FAM117A: variants seen among roughly 807,000 people sequenced by gnomAD.
FAM117A encodes protein FAM117A.
Under a neutral mutation model 44.1 loss-of-function variants are expected in FAM117A, and 21 were observed. The ratio of observed to expected loss-of-function variants is 0.48; its 90% CI spans 0.34 to 0.69. FAM117A has a LOEUF of 0.69. Ranked by LOEUF, FAM117A falls within the 30% of genes least tolerant of loss-of-function variation. FAM117A has a pLI of 0.01. For synonymous variants in FAM117A, 220 were observed against 238.3 expected (o/e 0.92, Z 0.71); for missense variants, 498 against 589.9 (o/e 0.84, Z 1.61).
chr17:49,729,079 T>G (rs1011435344), intron 2 of FAM117A, among the ~76,000 whole-genome samples: 1 of 152,196 alleles, frequency 6.6e-6, no homozygotes, highest in East Asian at 1.9e-4. Context: ...TGGGCTATAT[T>G]CAAGAACTGA....
chr17:49,788,959 G>C, upstream of FAM117A: 1 of 1,065,192 alleles, frequency 9.4e-7, no homozygotes, highest in South Asian at 1.8e-5. Flanking sequence ...CCGCTCCCCC[G>C]AACCTTGTTC....
chr17:49,769,347 A>G (rs2073754277), intron 1 of FAM117A, among the ~76,000 whole-genome samples: 1 of 151,988 alleles, frequency 6.6e-6, no homozygotes, highest in African/African-American at 2.4e-5. Context: ...TTGACAATAT[A>G]TGATATGGTG....
At chr17:49,738,704 C>CT (rs767540288) in intron 1 of FAM117A, among the ~76,000 whole-genome samples, 72 of 152,230 alleles carry the variant, frequency 4.7e-4, no homozygotes, top group Non-Finnish European at 7.9e-4. Flanking sequence ...GCAAGGTCCA[C>CT]TACCCTCCCA....
intron 5 of FAM117A, 72 bp from the exon 6 acceptor site, chr17:49,717,786 G>C: frequency 7.9e-7 from 1 of 1,268,048 alleles, no homozygotes; most frequent in Non-Finnish European, 1.1e-6. Flanking sequence ...TGACCCCAAG[G>C]GTATTTCCCT....
intron 1 of FAM117A, among the ~76,000 whole-genome samples, chr17:49,778,891 G>C (rs2073782018): frequency 1.3e-5 from 2 of 152,252 alleles, no homozygotes; most frequent in African/African-American, 2.4e-5. Context: ...GAAAAGCACA[G>C]TGTGCAATAA....
intron 3 of FAM117A, 64 bp from the exon 4 acceptor site, chr17:49,720,500 C>A: frequency 7.7e-7 from 1 of 1,305,606 alleles, no homozygotes; most frequent in South Asian, 1.2e-5. Flanking sequence ...CTGGGTCCCT[C>A]TTCCAAAGAG....
chr17:49,733,628 G>C (rs997327047), intron 1 of FAM117A, among the ~76,000 whole-genome samples: 1 of 151,888 alleles, frequency 6.6e-6, no homozygotes, highest in Admixed American at 6.6e-5. Context: ...AGCCAAGATC[G>C]CACCACTGCA....
intron 1 of FAM117A, among the ~76,000 whole-genome samples, chr17:49,733,667 T>G (rs1362113258): frequency 6.6e-6 from 1 of 152,070 alleles, no homozygotes; most frequent in African/African-American, 2.4e-5. Context: ...AGGAAGACTC[T>G]GTCTCAAAAA....
At chr17:49,736,279 C>T (rs540500992) in intron 1 of FAM117A, among the ~76,000 whole-genome samples, 9 of 147,876 alleles carry the variant, frequency 6.1e-5, no homozygotes, top group Middle Eastern at 7.2e-3. Context: ...TTTTTTGAGA[C>T]GGAGTCACGC....
At chr17:49,716,440 G>A in intron 6 of FAM117A, 125 bp from the exon 7 acceptor site, 1 of 789,664 alleles carries the variant, frequency 1.3e-6, no homozygotes, top group Non-Finnish European at 1.9e-6. Context: ...TAGCGGGTGT[G>A]CTTATCCAGT....
chr17:49,755,731 T>G (rs955364526), intron 1 of FAM117A, among the ~76,000 whole-genome samples: 1 of 151,596 alleles, frequency 6.6e-6, no homozygotes, highest in Non-Finnish European at 1.5e-5. Context: ...CTTCGGGGGG[T>G]TTTGCCTTGT....
intron 2 of FAM117A, among the ~76,000 whole-genome samples, chr17:49,726,565 C>T (rs1477452831): frequency 6.6e-6 from 1 of 152,210 alleles, no homozygotes; most frequent in East Asian, 1.9e-4. Context: ...TATAGCCCCT[C>T]CTAAACTGGG....
intron 1 of FAM117A, among the ~76,000 whole-genome samples, chr17:49,733,765 T>C (rs1003166263): frequency 2.0e-5 from 3 of 152,154 alleles, no homozygotes; most frequent in Admixed American, 2.0e-4. Context: ...GTGGATAAAA[T>C]GTAAGGGTAC....
chr17:49,772,149 C>G (rs930841717), intron 1 of FAM117A, among the ~76,000 whole-genome samples: 1 of 151,968 alleles, frequency 6.6e-6, no homozygotes, highest in Non-Finnish European at 1.5e-5. Context: ...AAAAATTAGC[C>G]AGGTATGGTG....
intron 1 of FAM117A, among the ~76,000 whole-genome samples, chr17:49,751,226 G>C (rs966084533): frequency 2.0e-5 from 3 of 150,112 alleles, no homozygotes; most frequent in African/African-American, 7.4e-5. Flanking sequence ...GTTGCAGTGA[G>C]GTGAGACCAC....
At chr17:49,724,307 G>A in intron 2 of FAM117A, 1 of 454,540 alleles carries the variant, frequency 2.2e-6, no homozygotes. Context: ...GTTGTCCCTG[G>A]AAGGTGGCAG....
chr17:49,772,591 A>C (rs2073764366), intron 1 of FAM117A, among the ~76,000 whole-genome samples: 1 of 151,880 alleles, frequency 6.6e-6, no homozygotes, highest in African/African-American at 2.4e-5. Flanking sequence ...CTCTACTAAA[A>C]ATAGAAAAAA....
intron 6 of FAM117A, 65 bp from the exon 7 acceptor site, chr17:49,716,380 G>A (rs1413709064): frequency 3.6e-6 from 5 of 1,406,288 alleles, no homozygotes; most frequent in Non-Finnish European, 4.7e-6. Context: ...TCTGGGTCCA[G>A]GACTGAGGTG....
chr17:49,742,854 CATT>C (rs2073640273), intron 1 of FAM117A, among the ~76,000 whole-genome samples: 1 of 152,100 alleles, frequency 6.6e-6, no homozygotes, highest in African/African-American at 2.4e-5. Flanking sequence ...GAAAAACAAA[CATT>C]AGGGAAGTTC....
Sources: gnomAD v4.1 joint callset for allele counts (sites outside exome capture counted in the v4.1 genomes callset) on GRCh38, gnomAD v4.1.1 for gene constraint, MANE v1.5 for transcripts, NCBI Gene and HGNC (gene_info 2026-07-23, HGNC 2026-07-21) for gene names.